The following ZNF48 variants were observed in gnomAD, a reference collection of about 807,000 sequenced individuals.
ZNF48 encodes the protein zinc finger protein 48.
In ZNF48, 20 loss-of-function variants were observed where a neutral mutation model predicts 40.0. The observed-to-expected ratio is 0.50, with a 90% confidence interval of 0.35 to 0.73. The LOEUF (loss-of-function observed/expected upper bound fraction) is 0.73. Among genes scored for constraint, ZNF48 ranks in the 30% least tolerant of loss-of-function variants. ZNF48 has a pLI of 0.01. For missense variants in ZNF48, 726 were observed against 851.9 expected, an observed-to-expected ratio of 0.85 and a Z score of 1.84; for synonymous variants, 298 against 329.7, an observed-to-expected ratio of 0.90 and a Z score of 1.04.
Position 30,381,836 on chromosome 16 carries a change from C to T in ZNF48, c.-16+3426C>T, listed in dbSNP as rs2151111708. The T allele has an allele frequency of 6.2e-7, 1 of 1,614,202 alleles. No homozygotes were observed. The highest frequency in any genetic ancestry group is 8.5e-7 in the Non-Finnish European group (1 of 1,180,034). Reference sequence around the variant, plus strand: ...AGCTTCACTTTCACACCCCCTTCCTCAATCTCTACGCCCCGGCGCTCAATG... The same window carrying T: ...AGCTTCACTTTCACACCCCCTTCCTTAATCTCTACGCCCCGGCGCTCAATG... On this transcript the variant is annotated intron_variant, in intron 1 of 2. Transcript: ENST00000528032. The surrounding 1 kb of genome is among the most constrained non-coding windows in gnomAD (Gnocchi z 4.3).
chr16:30,378,316 C>G (rs1231132899), exon 1 of ZNF48: 1 of 1,004,506 alleles, frequency 1.0e-6, no homozygotes, highest in East Asian at 2.7e-5. Flanking sequence ...CTCCCCCTAG[C>G]CCGCGCGAGG....
chr16:30,397,961 G>A lies in ZNF48; in HGVS notation c.711G>A (p.Lys237=). ...TTGGCGACAGTTCCGCCCGCATCAA[G>A]CACCAGCGGACACACCGGGGGGAGC... is the stretch of plus-strand genomic sequence containing the variant. ...KGFGDSSARI[K]HQRTHRGEQP... Residue 237 remains lysine (K), a synonymous_variant, in exon 3 of 3, where the codon AAG becomes AAA. Transcript: ENST00000613509. This position sits in a 1 kb window ranked among gnomAD's most constrained non-coding sequence, Gnocchi z 4.1. The A allele has an allele frequency of 3.1e-6, 5 of 1,613,518 alleles. No homozygotes were observed.
upstream of ZNF48, among the ~76,000 whole-genome samples, chr16:30,392,312 C>T (rs755892673): frequency 2.0e-5 from 3 of 152,080 alleles, no homozygotes; most frequent in Non-Finnish European, 2.9e-5. Context: ...AGTGAGCCAC[C>T]GCCCCCGGCC....
At position 30,395,473 on chromosome 16, in the gene ZNF48, T is replaced by G. The variant is rs748740742; in HGVS notation, c.-121T>G. ...GCCTGGGTCCGAGCCCGCTCCCGGC[T>G]TGGCGCGGAGCCTGCATCCCGGAGC... On this transcript the variant is annotated 5_prime_UTR_variant, in exon 1 of 3. Transcript: ENST00000613509. The surrounding 1 kb of genome is among the most constrained non-coding windows in gnomAD (Gnocchi z 5.9). 3.3e-5 allele frequency: 11 copies of G among 333,708 alleles called. No homozygotes were observed. The highest frequency in any genetic ancestry group is 6.5e-5 in the Non-Finnish European group (11 of 170,474). 20.7% of individuals were successfully genotyped at this position (333,708 alleles called of 1,614,324 possible).
upstream of ZNF48, among the ~76,000 whole-genome samples, chr16:30,394,350 T>C (rs1363435243): frequency 1.3e-5 from 2 of 152,150 alleles, no homozygotes; most frequent in African/African-American, 4.8e-5. Context: ...CCCACCATCA[T>C]TGGCAGAGGG....
upstream of ZNF48, among the ~76,000 whole-genome samples, chr16:30,392,766 C>T (rs1597016890): frequency 6.6e-6 from 1 of 152,178 alleles, no homozygotes; most frequent in African/African-American, 2.4e-5. Context: ...TCTGCACCCA[C>T]TGAACACTAC....
chr16:30,398,058 G>A lies in ZNF48; in HGVS notation c.808G>A (p.Ala270Thr). The A allele has an allele frequency of 6.2e-7, 1 of 1,612,310 alleles. No homozygotes were observed. The highest frequency in any genetic ancestry group is 8.5e-7 in the Non-Finnish European group (1 of 1,179,060). The change falls in exon 3 of 3, where the codon GCC becomes ACC. Residue 270 changes from alanine to threonine, a missense_variant. Ala to Thr is a moderately conservative substitution (Grantham distance 58). Around this residue, in one of 5 missense-constraint regions of ZNF48, gnomAD observed 378 missense variants for 449.1 expected, o/e 0.84. Coordinates refer to ENST00000613509, the MANE Select transcript of ZNF48 (RefSeq NM_001214909.2). The surrounding 1 kb of genome is among the most constrained non-coding windows in gnomAD (Gnocchi z 6.6). Reference protein sequence around the residue: ...AATAATQGPKAQDKPYICTDC... With the variant: ...AATAATQGPKTQDKPYICTDC... ...CACGGCAGCTACCCAGGGACCGAAG[G>A]CCCAGGACAAGCCATATATCTGCAC...
chr16:30,390,612 T>G (rs1327384535), upstream of ZNF48, among the ~76,000 whole-genome samples: 20 of 53,970 alleles, frequency 3.7e-4, 1 homozygote, highest in South Asian at 7.2e-4. Context: ...TTTTTTTTTT[T>G]TTTTTTTTTT....
chr16:30,379,289 G>T (rs2049804785), intron 1 of ZNF48: 4 of 1,501,906 alleles, frequency 2.7e-6, no homozygotes, highest in Admixed American at 3.5e-5. Context: ...CTAGCGGAGG[G>T]TCCGCGGTCT....
At chr16:30,378,366 G>A (rs2049779757) in exon 1 of ZNF48, 2 of 1,414,030 alleles carry the variant, frequency 1.4e-6, no homozygotes, top group Non-Finnish European at 1.9e-6. Context: ...TGGGCAGTGT[G>A]GGGCGCGGGG....
Position 30,395,592 on chromosome 16 carries a change from C to T in ZNF48, c.-16+14C>T. The T allele has an allele frequency of 4.0e-6, 1 of 252,572 alleles. No homozygotes were observed. The highest frequency in any genetic ancestry group is 7.0e-6 in the Non-Finnish European group (1 of 143,274). The allele number at this position is 252,572 out of a possible 1,614,324, so 15.6% of individuals were successfully genotyped here. ...GCGGCCGGCAAGGTGAGAGCGGCGG[C>T]TGCGCGCTGGGAGGAGCAGCAGGTG... On this transcript the variant is annotated intron_variant, in intron 1 of 2. Coordinates refer to ENST00000613509, the MANE Select transcript of ZNF48 (RefSeq NM_001214909.2). The surrounding 1 kb of genome is among the most constrained non-coding windows in gnomAD (Gnocchi z 5.9).
chr16:30,390,648 G>GT (rs1329957728), upstream of ZNF48, among the ~76,000 whole-genome samples: 1 of 71,684 alleles, frequency 1.4e-5, no homozygotes, highest in Non-Finnish European at 2.6e-5. Context: ...TTGAGATGGA[G>GT]TTTTCTCTGT....
rs773589887 is a variant in ZNF48, at chr16:30,398,799, C to A, written c.1549C>A (p.Pro517Thr). 1.9e-6 allele frequency: 3 copies of A among 1,613,626 alleles called. No individual in the cohort carries two copies. In the African/African-American group the frequency reaches 4.0e-5, roughly 22 times the overall value. ...RPPPPSTLLR[P>T]HNPPGPVPMA... The stretch of plus-strand genomic sequence containing the variant: ...ACCACCACCATCCACTCTGCTGCGG[C>A]CACATAACCCACCTGGCCCAGTACC... Residue 517 changes from proline (P) to threonine (T), a missense_variant, in exon 3 of 3, where the codon CCA becomes ACA. By Grantham distance (38) the Pro-to-Thr change is conservative. Around this residue, in one of 5 missense-constraint regions of ZNF48, gnomAD observed 166 missense variants for 163.6 expected, o/e 1.01. Transcript: ENST00000613509. This position sits in a 1 kb window ranked among gnomAD's most constrained non-coding sequence, Gnocchi z 6.6.
chr16:30,393,422 T>G (rs1183708141), upstream of ZNF48, among the ~76,000 whole-genome samples: 1 of 151,648 alleles, frequency 6.6e-6, no homozygotes, highest in Non-Finnish European at 1.5e-5. Flanking sequence ...TCTGACTCTG[T>G]CACCCAGGCT....
At chr16:30,396,566 G>T (rs1290237579) in intron 2 of ZNF48, among the ~76,000 whole-genome samples, 2 of 151,854 alleles carry the variant, frequency 1.3e-5, no homozygotes, top group Non-Finnish European at 2.9e-5. Flanking sequence ...TACCGAATGG[G>T]CTAATATAAT....
chr16:30,399,089 A>AT lies in ZNF48; in HGVS notation c.1839_1840insT (p.Ala614CysfsTer56). 6.3e-7 allele frequency: 1 copy of AT among 1,595,176 alleles called. No individual in the cohort carries two copies. On this transcript the variant is annotated frameshift_variant, in exon 3 of 3. Coordinates refer to ENST00000613509, the MANE Select transcript of ZNF48 (RefSeq NM_001214909.2). LOFTEE classifies it high-confidence loss of function. ...GGGCAAGGCCCCTCAAGCAGGAGGC[A>AT]GCAACAGGACTGGAATGACGCGGTC...
chr16:30,391,370 A>G (rs1454788521), upstream of ZNF48, among the ~76,000 whole-genome samples: 1 of 148,932 alleles, frequency 6.7e-6, no homozygotes, highest in Non-Finnish European at 1.5e-5. Flanking sequence ...TTTTATTTTT[A>G]GTAGAGACAG....
Position 30,398,803 on chromosome 16 carries a change from A to G in ZNF48, c.1553A>G (p.His518Arg), listed in dbSNP as rs372619948. ...PPPPSTLLRP[H>R]NPPGPVPMAP... ...CCACCATCCACTCTGCTGCGGCCACATAACCCACCTGGCCCAGTACCCATG... is the reference window on the plus strand; with the variant it reads ...CCACCATCCACTCTGCTGCGGCCACGTAACCCACCTGGCCCAGTACCCATG... The change falls in exon 3 of 3, where the codon CAT (histidine) becomes CGT (arginine). Residue 518 changes from histidine (H) to arginine (R), a missense_variant. His to Arg is a conservative substitution (Grantham distance 29). Transcript: ENST00000613509. The surrounding 1 kb of genome is among the most constrained non-coding windows in gnomAD (Gnocchi z 6.6). The G allele has an allele frequency of 1.2e-6, 2 of 1,613,582 alleles. No individual in the cohort carries two copies. Among genetic ancestry groups the G allele is most frequent in the African/African-American group, 1.3e-5 (1 of 74,896 alleles).
At chr16:30,391,501 C>CTT (rs1365976705), upstream of ZNF48, among the ~76,000 whole-genome samples, 4 of 143,344 alleles carry the variant, frequency 2.8e-5, no homozygotes, top group Non-Finnish European at 4.6e-5. Flanking sequence ...TTTTTCTTTT[C>CTT]TTTTTTTTTT....
Sources: gnomAD v4.1 joint callset for allele counts (sites outside exome capture counted in the v4.1 genomes callset) on GRCh38, gnomAD v4.1.1 for gene constraint, gnomAD v4.1.1 regional missense constraint, Gnocchi (gnomAD v3.1) non-coding constraint, MANE v1.5 for transcripts, NCBI Gene and HGNC (gene_info 2026-07-23, HGNC 2026-07-21) for gene names.